The following DSE variants were observed in gnomAD, a reference collection of about 807,000 sequenced individuals.
The protein encoded by DSE is dermatan-sulfate epimerase.
A neutral mutation model predicts 84.4 loss-of-function variants in DSE; 36 were observed. The ratio of observed to expected loss-of-function variants is 0.43; its 90% CI spans 0.33 to 0.56. The LOEUF is 0.56. Among genes scored for constraint, DSE ranks in the 20% least tolerant of loss-of-function variants. The pLI, the probability that DSE is intolerant of heterozygous loss-of-function variation, is 0.06. For missense variants in DSE, 862 were observed against 1,169.6 expected (o/e 0.74, Z 3.84); for synonymous variants, 410 against 430.1 (o/e 0.95, Z 0.58).
upstream of DSE, among the ~76,000 whole-genome samples, chr6:116,368,385 C>G (rs911360866): frequency 6.6e-6 from 1 of 152,016 alleles, no homozygotes; most frequent in Non-Finnish European, 1.5e-5. Context: ...GCATACAGAC[C>G]GGATTTACAG....
At chr6:116,380,144 A>G (rs984916680) in intron 1 of DSE, among the ~76,000 whole-genome samples, 1 of 152,146 alleles carries the variant, frequency 6.6e-6, no homozygotes, top group African/African-American at 2.4e-5. Context: ...ACTTTTCCCA[A>G]TGTACTTTTG....
chr6:116,322,269 C>T (rs1025578135), intron 2 of DSE, among the ~76,000 whole-genome samples: 1 of 152,118 alleles, frequency 6.6e-6, no homozygotes, highest in Non-Finnish European at 1.5e-5. Context: ...CTACCAGGCC[C>T]AGGGTGTGGC....
At chr6:116,264,378 A>G (rs1462923881) in intron 2 of DSE, among the ~76,000 whole-genome samples, 1 of 151,974 alleles carries the variant, frequency 6.6e-6, no homozygotes, top group East Asian at 1.9e-4. Flanking sequence ...TCTACTATTA[A>G]TACCCATGAT....
intron 2 of DSE, among the ~76,000 whole-genome samples, chr6:116,304,373 G>A (rs1775222714): frequency 6.8e-6 from 1 of 147,280 alleles, no homozygotes; most frequent in South Asian, 2.1e-4. Context: ...AGATTTTTTT[G>A]GATTTTAGAC....
intron 2 of DSE, among the ~76,000 whole-genome samples, chr6:116,320,066 C>T (rs1275281328): frequency 6.6e-6 from 1 of 152,166 alleles, no homozygotes; most frequent in African/African-American, 2.4e-5. Flanking sequence ...GCACAATACC[C>T]AGCACATAAT....
intron 2 of DSE, among the ~76,000 whole-genome samples, chr6:116,336,040 A>G (rs1777233232): frequency 6.6e-6 from 1 of 152,238 alleles, no homozygotes; most frequent in Non-Finnish European, 1.5e-5. Context: ...ACTTAGTCAT[A>G]AACATCTCTT....
rs1461729295 is a variant in DSE at position 116,441,603 on chromosome 6, A to C, written c.*4258A>C. ...TGCTATGGAAGGAAAAGTCAGGGTAAGGAGACTGGGAAGAGGAGGCCATAA... is the reference window on the plus strand; with the variant it reads ...TGCTATGGAAGGAAAAGTCAGGGTACGGAGACTGGGAAGAGGAGGCCATAA... On this transcript the variant is annotated 3_prime_UTR_variant, in exon 6 of 6. Coordinates refer to ENST00000644252, the MANE Select transcript of DSE (RefSeq NM_013352.4). The C allele has an allele frequency of 6.6e-6, 1 of 152,206 alleles. No homozygotes were observed. Among genetic ancestry groups the C allele is most frequent in the African/African-American group, 2.4e-5 (1 of 41,454 alleles). The allele number at this position is 152,206 out of a possible 1,614,324, so 9.4% of individuals were successfully genotyped here. A position where few individuals can be genotyped will look rare whatever the true frequency, so the allele number is the denominator to read the frequency against.
intron 2 of DSE, among the ~76,000 whole-genome samples, chr6:116,319,143 A>C (rs1382987583): frequency 1.3e-5 from 2 of 152,210 alleles, no homozygotes; most frequent in Non-Finnish European, 2.9e-5. Context: ...ATGTTCATTG[A>C]AAAATAAATA....
intron 2 of DSE, among the ~76,000 whole-genome samples, chr6:116,285,344 C>A (rs1442438237): frequency 6.6e-6 from 1 of 152,046 alleles, no homozygotes. Context: ...GTTCATATCC[C>A]TCGCCCACTT....
At chr6:116,329,152 T>C (rs1205276889) in intron 2 of DSE, among the ~76,000 whole-genome samples, 1 of 152,244 alleles carries the variant, frequency 6.6e-6, no homozygotes, top group Non-Finnish European at 1.5e-5. Context: ...TTAATAAACA[T>C]TGCATTCTAT....
rs773931036 is a variant in DSE, at chr6:116,440,423, A to G, written c.*3078A>G. ...AGCGATTCTTCTGCCTCAGCCTTCC[A>G]AAGTACTGGGATTAGAGGCATAGGT... is the stretch of plus-strand genomic sequence containing the variant. On this transcript the variant is annotated 3_prime_UTR_variant, in exon 6 of 6. Transcript: ENST00000644252. The G allele has an allele frequency of 1.3e-5, 2 of 152,172 alleles. No homozygotes were observed. The highest frequency in any genetic ancestry group is 4.1e-4 in the South Asian group (2 of 4,826). The allele number at this position is 152,172 out of a possible 1,614,324, so 9.4% of individuals were successfully genotyped here. A position where few individuals can be genotyped will look rare whatever the true frequency, so the allele number is the denominator to read the frequency against.
intron 3 of DSE, among the ~76,000 whole-genome samples, chr6:116,428,057 C>T (rs1259704469): frequency 6.6e-6 from 1 of 152,250 alleles, no homozygotes; most frequent in Non-Finnish European, 1.5e-5. Flanking sequence ...GGCGTTGTGG[C>T]GTGTGCCTGT....
In DSE at chr6:116,437,674, A is replaced by C. The variant is rs1286240779; in HGVS notation, c.*329A>C. On this transcript the variant is annotated 3_prime_UTR_variant, in exon 6 of 6. Coordinates refer to ENST00000644252, the MANE Select transcript of DSE (RefSeq NM_013352.4). ...TTTTTCTTATGAGAAAAAGGTTTAG[A>C]TAGAATTGGGTTTTATTAATATTAA... The C allele has an allele frequency of 5.5e-6, 1 of 181,174 alleles. No individual in the cohort carries two copies. Among genetic ancestry groups the C allele is most frequent in the Non-Finnish European group, 1.1e-5 (1 of 87,846 alleles). The allele number at this position is 181,174 out of a possible 1,614,324, so 11.2% of individuals were successfully genotyped here.
chr6:116,434,798 C>G (rs1018224102), intron 5 of DSE, among the ~76,000 whole-genome samples: 1 of 152,176 alleles, frequency 6.6e-6, no homozygotes, highest in African/African-American at 2.4e-5. Context: ...CAGTCAATAT[C>G]AAACACCAAT....
intron 2 of DSE, among the ~76,000 whole-genome samples, chr6:116,354,509 C>A (rs1421151109): frequency 6.6e-6 from 1 of 152,156 alleles, no homozygotes; most frequent in African/African-American, 2.4e-5. Flanking sequence ...ACAATCTGGC[C>A]TTACAAGCAC....
intron 2 of DSE, among the ~76,000 whole-genome samples, chr6:116,365,314 G>A (rs1475075759): frequency 6.6e-6 from 1 of 151,872 alleles, no homozygotes; most frequent in Non-Finnish European, 1.5e-5. Context: ...GGAGTGCAGT[G>A]GTGCAATCGG....
At chr6:116,326,195 G>A (rs931778520) in intron 2 of DSE, among the ~76,000 whole-genome samples, 18 of 151,970 alleles carry the variant, frequency 1.2e-4, no homozygotes, top group African/African-American at 4.1e-4. Flanking sequence ...ACAATATGAG[G>A]GGTGGTCTCC....
At chr6:116,365,071 C>G (rs923978551) in intron 2 of DSE, among the ~76,000 whole-genome samples, 8 of 152,060 alleles carry the variant, frequency 5.3e-5, no homozygotes, top group African/African-American at 1.9e-4. Context: ...CTCCTGGGCT[C>G]AAGCAGTTTG....
At chr6:116,288,527 C>T (rs532677457) in intron 2 of DSE, 2 of 152,124 alleles carry the variant, frequency 1.3e-5, no homozygotes, top group Middle Eastern at 3.4e-3. Flanking sequence ...AGAAGTGGGG[C>T]GTGAGGACAT....
Sources: gnomAD v4.1 joint callset for allele counts (sites outside exome capture counted in the v4.1 genomes callset) on GRCh38, gnomAD v4.1.1 for gene constraint, MANE v1.5 for transcripts, NCBI Gene and HGNC (gene_info 2026-07-23, HGNC 2026-07-21) for gene names.